Variants in SPATA21 observed in about 807,000 individuals in gnomAD.
SPATA21 encodes spermatogenesis associated 21, also known as spermatogenesis-associated protein 21.
A neutral mutation model predicts 54.8 loss-of-function variants in SPATA21; 47 were observed. The ratio of observed to expected loss-of-function variants is 0.86; its 90% CI spans 0.68 to 1.09. SPATA21 has a LOEUF of 1.09. Ranked by LOEUF, SPATA21 falls within the 50% of genes least tolerant of loss-of-function variation. The pLI is 0.00. For synonymous variants in SPATA21, 245 were observed against 235.3 expected (o/e 1.04, Z -0.38); for missense variants, 599 against 596.4 (o/e 1.00, Z -0.05).
chr1:16,420,676 G>C (rs1222494933), intron 5 of SPATA21, among the ~76,000 whole-genome samples: 1 of 152,062 alleles, frequency 6.6e-6, no homozygotes, highest in Non-Finnish European at 1.5e-5. Context: ...ATGGGAGCAG[G>C]GGCCCATCTT....
At chr1:16,400,653 G>A (rs2085415161) in intron 11 of SPATA21, 67 bp downstream of exon 11, 2 of 1,528,772 alleles carry the variant, frequency 1.3e-6, no homozygotes, top group South Asian at 1.3e-5. Context: ...TCCAAGGAAA[G>A]GAGACCAGAT....
chr1:16,420,568 A>C (rs1195586156), intron 5 of SPATA21, among the ~76,000 whole-genome samples: 1 of 151,984 alleles, frequency 6.6e-6, no homozygotes. Context: ...AGGCTGAGCC[A>C]TGTTTGTATG....
rs1427761704 is a variant in SPATA21, at chr1:16,428,763, C to T, written c.34+2575G>A. On this transcript the variant is annotated intron_variant, in intron 3 of 12. Coordinates refer to ENST00000335496, the MANE Select transcript of SPATA21 (RefSeq NM_198546.1). The surrounding 1 kb of genome is among the most constrained non-coding windows in gnomAD (Gnocchi z 4.3). Reference sequence around the variant, plus strand: ...GACTGAGACCCCGCTCCAAGCATCACCGGAGTCAGCAAACTCCAAACAAAT... The same window carrying T: ...GACTGAGACCCCGCTCCAAGCATCATCGGAGTCAGCAAACTCCAAACAAAT... Among the ~76,000 whole-genome samples, 10 of 152,148 alleles carry T rather than the reference C, an allele frequency of 6.6e-5. No homozygotes were observed. Among genetic ancestry groups the T allele is most frequent in the African/African-American group, 2.4e-4 (10 of 41,432 alleles).
rs999137102 is a variant in SPATA21 at position 16,424,884 on chromosome 1, C to T, written c.35-2913G>A. 18 of 277,940 alleles carry T rather than the reference C, an allele frequency of 6.5e-5. 1 individual carries two copies. Among genetic ancestry groups the T allele is most frequent in the South Asian group, 2.7e-4 (8 of 29,568 alleles). 17.2% of individuals were successfully genotyped at this position (277,940 alleles called of 1,614,324 possible). On this transcript the variant is annotated intron_variant, in intron 3 of 12. Transcript: ENST00000335496. ...CTCCCCCCTGCACCCATTGACATACCGTGGGGCCACTCTGGAAACAAGACT... is the reference window on the plus strand; with the variant it reads ...CTCCCCCCTGCACCCATTGACATACTGTGGGGCCACTCTGGAAACAAGACT...
chr1:16,412,424 C>CT (rs1200413960), intron 5 of SPATA21, among the ~76,000 whole-genome samples: 5 of 151,850 alleles, frequency 3.3e-5, no homozygotes, highest in South Asian at 2.1e-4. Flanking sequence ...TCTTTTCCAA[C>CT]TTTTTTTTTC....
At chr1:16,399,921 C>G (rs2085390894) in intron 11 of SPATA21, among the ~76,000 whole-genome samples, 1 of 152,114 alleles carries the variant, frequency 6.6e-6, no homozygotes, top group Non-Finnish European at 1.5e-5. Flanking sequence ...GGCAGGCTTG[C>G]CCAGTGGAAA....
intron 3 of SPATA21, among the ~76,000 whole-genome samples, chr1:16,422,503 G>A (rs1439913041): frequency 3.2e-5 from 4 of 123,662 alleles, no homozygotes; most frequent in African/African-American, 1.3e-4. Context: ...CTTTGTGTGT[G>A]TGTGTATTTT....
chr1:16,408,602 G>C, intron 7 of SPATA21: 1 of 894,724 alleles, frequency 1.1e-6, no homozygotes, highest in Non-Finnish European at 1.3e-6. Flanking sequence ...GCTGGGCGCG[G>C]TGGCTCACGC....
chr1:16,418,021 C>T (rs2086063401), intron 5 of SPATA21, among the ~76,000 whole-genome samples: 1 of 152,256 alleles, frequency 6.6e-6, no homozygotes, highest in African/African-American at 2.4e-5. Context: ...CCTCTCATCT[C>T]TTGTGGTGCC....
chr1:16,404,289 G>T (rs536720086), intron 8 of SPATA21, among the ~76,000 whole-genome samples: 1 of 152,228 alleles, frequency 6.6e-6, no homozygotes, highest in East Asian at 1.9e-4. Context: ...GGCCAACATG[G>T]TGAAATCCCG....
chr1:16,424,765 T>C (rs920030486), intron 3 of SPATA21: 8 of 154,512 alleles, frequency 5.2e-5, no homozygotes, highest in African/African-American at 1.9e-4. Flanking sequence ...AGTAAACTGC[T>C]TCCAGGATAT....
rs529926440 is a variant in SPATA21, at chr1:16,428,186, T to G, written c.34+3152A>C. 6.6e-6 allele frequency among the ~76,000 whole-genome samples: 1 copy of G among 152,250 alleles called. No individual in the cohort carries two copies. The highest frequency in any genetic ancestry group is 2.1e-4 in the South Asian group (1 of 4,826). Reference sequence around the variant, plus strand: ...GTGAGCAGGAGCTGAGAGGCAGGGATGCAGGGCCCGGCCCTGCTGTTGCTG... The same window carrying G: ...GTGAGCAGGAGCTGAGAGGCAGGGAGGCAGGGCCCGGCCCTGCTGTTGCTG... On this transcript the variant is annotated intron_variant, in intron 3 of 12. Transcript: ENST00000335496. The surrounding 1 kb of genome is among the most constrained non-coding windows in gnomAD (Gnocchi z 4.3).
chr1:16,427,884 C>T, intron 3 of SPATA21: 3 of 1,549,412 alleles, frequency 1.9e-6, no homozygotes, highest in Non-Finnish European at 2.6e-6. Flanking sequence ...CTGGAGGCCC[C>T]TGCTCCTGGA....
At chr1:16,416,654 C>G (rs2086015752) in intron 5 of SPATA21, among the ~76,000 whole-genome samples, 1 of 150,036 alleles carries the variant, frequency 6.7e-6, no homozygotes, top group Non-Finnish European at 1.5e-5. Flanking sequence ...GCACTCCAGC[C>G]TGGGCGACAG....
At chr1:16,405,411 G>A (rs1459760706) in intron 7 of SPATA21, among the ~76,000 whole-genome samples, 1 of 147,246 alleles carries the variant, frequency 6.8e-6, no homozygotes, top group Non-Finnish European at 1.5e-5. Context: ...GCTAGGCTGA[G>A]ATAGGAGGAT....
chr1:16,412,969 A>G (rs960998419), intron 5 of SPATA21, among the ~76,000 whole-genome samples: 1 of 151,986 alleles, frequency 6.6e-6, no homozygotes, highest in African/African-American at 2.4e-5. Flanking sequence ...ATTTTAGTAG[A>G]GACAAGGTTT....
intron 8 of SPATA21, among the ~76,000 whole-genome samples, chr1:16,404,754 G>A (rs1472459775): frequency 2.0e-5 from 3 of 152,212 alleles, no homozygotes; most frequent in African/African-American, 7.2e-5. Context: ...AGGCTGTGGT[G>A]AGCAGGGATC....
At chr1:16,418,046 A>G (rs1422949829) in intron 5 of SPATA21, among the ~76,000 whole-genome samples, 1 of 152,156 alleles carries the variant, frequency 6.6e-6, no homozygotes, top group Non-Finnish European at 1.5e-5. Flanking sequence ...GCTCAGCTGC[A>G]TCCTCCAGAG....
At chr1:16,419,413 A>C (rs2086107878) in intron 5 of SPATA21, among the ~76,000 whole-genome samples, 1 of 152,236 alleles carries the variant, frequency 6.6e-6, no homozygotes, top group African/African-American at 2.4e-5. Context: ...GGACGGATTC[A>C]GGATTTATTT....
Sources: allele counts gnomAD v4.1 joint callset (sites outside exome capture counted in the v4.1 genomes callset), GRCh38; gene constraint gnomAD v4.1.1; non-coding constraint Gnocchi (gnomAD v3.1); transcripts MANE v1.5; gene names NCBI Gene and HGNC (gene_info 2026-07-23, HGNC 2026-07-21).